ACBD6: variants seen among roughly 807,000 people sequenced by gnomAD.
ACBD6 encodes acyl-CoA-binding domain-containing protein 6.
A neutral mutation model predicts 37.2 loss-of-function variants in ACBD6; 28 were observed. That is an observed-to-expected ratio of 0.75 (90% CI 0.56 to 1.03). ACBD6 has a LOEUF of 1.03. ACBD6 is among the 50% of genes least tolerant of loss of function. The pLI is 0.00. For missense variants in ACBD6, 340 were observed against 337.4 expected (o/e 1.01, Z -0.06); for synonymous variants, 113 against 126.8 (o/e 0.89, Z 0.73).
chr1:180,400,360 C>T (rs568259370), intron 5 of ACBD6, among the ~76,000 whole-genome samples: 3 of 152,148 alleles, frequency 2.0e-5, no homozygotes, highest in Admixed American at 1.3e-4. Flanking sequence ...TTCTGACCTG[C>T]AATGCAATTA....
At chr1:180,363,686 A>AAGCAGGAGCAGG (rs56989190) in intron 6 of ACBD6, among the ~76,000 whole-genome samples, 2 of 25,312 alleles carry the variant, frequency 7.9e-5, no homozygotes, top group East Asian at 0.1. Flanking sequence ...CAATCAGAGT[A>AAGCAGGAGCAGG]AGCAGGAGCA....
At chr1:180,287,938 C>CA (rs1481457255), downstream of ACBD6, among the ~76,000 whole-genome samples, 3 of 152,176 alleles carry the variant, frequency 2.0e-5, no homozygotes, top group Non-Finnish European at 4.4e-5. Context: ...GCTGCCTATT[C>CA]AGACCATGTG....
chr1:180,433,574 CTGTGTGTGTG>C (rs61101474), intron 3 of ACBD6, among the ~76,000 whole-genome samples: 2,376 of 149,780 alleles, frequency 0.016, 24 homozygotes, highest in Middle Eastern at 0.042. Context: ...TGGTGTTATG[CTGTGTGTGTG>C]TGTGTGTGTG....
chr1:180,448,543 G>A (rs189823578), intron 3 of ACBD6, among the ~76,000 whole-genome samples: 2 of 152,088 alleles, frequency 1.3e-5, no homozygotes, highest in Admixed American at 6.5e-5. Context: ...ACTTGATTTT[G>A]ATTAAATTCC....
At chr1:180,274,616 TGA>T in intron 10 of ACBD6, 1 of 1,518,362 alleles carries the variant, frequency 6.6e-7, no homozygotes, top group Non-Finnish European at 8.8e-7. Flanking sequence ...CCCCCTGGCT[TGA>T]GAGAATATCT....
At chr1:180,347,359 A>AGTG (rs1282451195) in intron 6 of ACBD6, among the ~76,000 whole-genome samples, 3 of 35,988 alleles carry the variant, frequency 8.3e-5, no homozygotes, top group Non-Finnish European at 2.8e-4. Context: ...TTCAACAGAA[A>AGTG]GTTTTTTTTT....
chr1:180,367,336 T>C (rs1315291690), intron 6 of ACBD6, among the ~76,000 whole-genome samples: 1 of 152,224 alleles, frequency 6.6e-6, no homozygotes, highest in Non-Finnish European at 1.5e-5. Context: ...TACTAAAGTA[T>C]TGGTACAGCA....
chr1:180,500,882 C>T (rs943899289), intron 1 of ACBD6, among the ~76,000 whole-genome samples: 25 of 148,580 alleles, frequency 1.7e-4, no homozygotes, highest in Admixed American at 2.7e-4. Flanking sequence ...TGCTTCTCTG[C>T]AAAGTGTCAT....
At chr1:180,292,023 T>A (rs1649727461) in intron 7 of ACBD6, among the ~76,000 whole-genome samples, 2 of 152,238 alleles carry the variant, frequency 1.3e-5, no homozygotes, top group South Asian at 4.1e-4. Flanking sequence ...TTATCTATCA[T>A]GTTCCTTTGA....
intron 6 of ACBD6, among the ~76,000 whole-genome samples, chr1:180,389,255 G>T (rs1470257457): frequency 6.6e-6 from 1 of 152,124 alleles, no homozygotes; most frequent in Non-Finnish European, 1.5e-5. Context: ...TGCGGAGTTT[G>T]GTTTTTAGTC....
At chr1:180,411,160 G>A (rs1361669012) in intron 5 of ACBD6, among the ~76,000 whole-genome samples, 1 of 152,182 alleles carries the variant, frequency 6.6e-6, no homozygotes, top group African/African-American at 2.4e-5. Context: ...GAACAGATGA[G>A]GAGTAGCTTC....
chr1:180,447,703 A>G lies in ACBD6; in HGVS notation c.385-17441T>C, dbSNP rs190232792. Among the ~76,000 whole-genome samples, 4 of 152,304 alleles carry G rather than the reference A, an allele frequency of 2.6e-5. No individual in the cohort carries two copies. The East Asian group carries it at 7.7e-4, about 29-fold the overall frequency. On this transcript the variant is annotated intron_variant, in intron 3 of 7. Coordinates refer to ENST00000367595, the MANE Select transcript of ACBD6 (RefSeq NM_032360.4). ...AATTATCTTGAATATAGTATTTATC[A>G]TAGCTGTTCAGAAATTATAACTTTT... is the stretch of plus-strand genomic sequence containing the variant.
At chr1:180,435,667 C>A in intron 3 of ACBD6, 1 of 936,066 alleles carries the variant, frequency 1.1e-6, no homozygotes, top group Non-Finnish European at 1.8e-6. Flanking sequence ...AGTTTGGCAG[C>A]TCCATTTACC....
At chr1:180,339,782 G>A (rs898278066) in intron 6 of ACBD6, among the ~76,000 whole-genome samples, 3 of 151,994 alleles carry the variant, frequency 2.0e-5, no homozygotes, top group African/African-American at 7.2e-5. Context: ...AATTGGGAGA[G>A]GGGGAACAGA....
downstream of ACBD6, chr1:180,286,901 T>C (rs2149275955): frequency 6.6e-6 from 1 of 152,356 alleles, no homozygotes; most frequent in South Asian, 2.1e-4. Context: ...TTGAGGACTA[T>C]ACTAAGCAAG....
At chr1:180,466,799 C>T (rs943412613) in intron 3 of ACBD6, among the ~76,000 whole-genome samples, 1 of 151,842 alleles carries the variant, frequency 6.6e-6, no homozygotes, top group Non-Finnish European at 1.5e-5. Flanking sequence ...GGCTTTGGTT[C>T]CCTGTCTGTG....
chr1:180,384,420 A>G (rs1213367664), intron 6 of ACBD6, among the ~76,000 whole-genome samples: 3 of 152,202 alleles, frequency 2.0e-5, no homozygotes, highest in African/African-American at 7.2e-5. Flanking sequence ...AACATCACTA[A>G]TCATCAGGGA....
At chr1:180,415,881 A>G (rs573647736) in intron 4 of ACBD6, among the ~76,000 whole-genome samples, 1 of 152,196 alleles carries the variant, frequency 6.6e-6, no homozygotes, top group Non-Finnish European at 1.5e-5. Flanking sequence ...TATATCAACT[A>G]GTTTTTTTTG....
chr1:180,413,127 G>A (rs1395425053), intron 5 of ACBD6, among the ~76,000 whole-genome samples: 1 of 152,082 alleles, frequency 6.6e-6, no homozygotes, highest in Non-Finnish European at 1.5e-5. Context: ...ATAAACATAT[G>A]GAAGCTATCA....
Sources: gnomAD v4.1 joint callset for allele counts (sites outside exome capture counted in the v4.1 genomes callset) on GRCh38, gnomAD v4.1.1 for gene constraint, MANE v1.5 for transcripts, NCBI Gene and HGNC (gene_info 2026-07-23, HGNC 2026-07-21) for gene names.